Variants in DTHD1 observed in about 807,000 individuals in gnomAD.
DTHD1 encodes the protein death domain containing 1.
DTHD1 carries 59 observed loss-of-function variants against 74.8 expected under a neutral mutation model. The observed-to-expected ratio is 0.79, with a 90% confidence interval of 0.64 to 0.98. The LOEUF is 0.98. DTHD1 is among the 50% of genes least tolerant of loss of function. The pLI is 0.00. For synonymous variants in DTHD1, 365 were observed against 371.1 expected (o/e 0.98, Z 0.19); for missense variants, 1,051 against 1,065.4 (o/e 0.99, Z 0.19).
intron 5 of DTHD1, among the ~76,000 whole-genome samples, chr4:36,298,926 C>T (rs973081723): frequency 2.6e-5 from 4 of 151,996 alleles, no homozygotes; most frequent in Non-Finnish European, 4.4e-5. Context: ...GTGATTCATG[C>T]CTGAGAATAT....
chr4:36,316,571 A>G, intron 8 of DTHD1, 85 bp downstream of exon 8: 1 of 1,326,360 alleles, frequency 7.5e-7, no homozygotes. Context: ...TCATAGAGAC[A>G]CATACAGTTA....
intron 7 of DTHD1, among the ~76,000 whole-genome samples, chr4:36,309,662 T>C (rs1757271016): frequency 1.3e-5 from 2 of 152,226 alleles, no homozygotes; most frequent in Admixed American, 6.5e-5. Context: ...TCCAAAACTT[T>C]TTTTTTCTTT....
intron 5 of DTHD1, among the ~76,000 whole-genome samples, chr4:36,305,757 A>G (rs2109492321): frequency 6.6e-6 from 1 of 152,230 alleles, no homozygotes; most frequent in East Asian, 1.9e-4. Context: ...TTGCTATACA[A>G]CCACTCTTTG....
chr4:36,284,375 T>A lies in DTHD1; in HGVS notation c.671T>A (p.Ile224Lys). ...DNAENEDDKQ[I>K]EHMTVENING... ...GCAGAAAATGAAGATGATAAACAAA[T>A]AGAACACATGACTGTTGAGAACATA... is the stretch of plus-strand genomic sequence containing the variant. Residue 224 changes from isoleucine (I) to lysine (K), a missense_variant, in exon 2 of 10, where the codon ATA (isoleucine) becomes AAA (lysine). Physicochemically the swap from Ile to Lys is moderately radical, Grantham distance 102. Transcript: ENST00000639862. 1 of 1,536,886 alleles carries A rather than the reference T, an allele frequency of 6.5e-7. No homozygotes were observed. Among genetic ancestry groups the A allele is most frequent in the Admixed American group, 2.0e-5 (1 of 50,972 alleles).
At chr4:36,305,534 C>T (rs1487988282) in intron 5 of DTHD1, among the ~76,000 whole-genome samples, 1 of 152,120 alleles carries the variant, frequency 6.6e-6, no homozygotes, top group East Asian at 1.9e-4. Flanking sequence ...CATCGCAACA[C>T]GTGGGAATTA....
intron 7 of DTHD1, among the ~76,000 whole-genome samples, chr4:36,311,526 T>C (rs1353772071): frequency 7.0e-6 from 1 of 143,614 alleles, no homozygotes; most frequent in Non-Finnish European, 1.5e-5. Context: ...TCAACTATCA[T>C]GTTCTGAGAA....
chr4:36,337,763 C>A (rs1339216108), intron 8 of DTHD1, among the ~76,000 whole-genome samples: 2 of 152,188 alleles, frequency 1.3e-5, no homozygotes, highest in Non-Finnish European at 2.9e-5. Flanking sequence ...TCAGATTCAA[C>A]TAACTTGTAT....
At chr4:36,291,469 A>G (rs1362711015) in intron 3 of DTHD1, among the ~76,000 whole-genome samples, 2 of 152,228 alleles carry the variant, frequency 1.3e-5, no homozygotes, top group African/African-American at 4.8e-5. Flanking sequence ...TTTAATTGTA[A>G]TAACTCTGAG....
intron 5 of DTHD1, among the ~76,000 whole-genome samples, chr4:36,303,804 AT>A (rs1189617190): frequency 6.6e-6 from 1 of 152,210 alleles, no homozygotes; most frequent in African/African-American, 2.4e-5. Context: ...TGTCATGGCC[AT>A]CAAAGGTAGG....
intron 9 of DTHD1, among the ~76,000 whole-genome samples, chr4:36,341,190 G>A (rs556370250): frequency 6.6e-6 from 1 of 152,262 alleles, no homozygotes; most frequent in Non-Finnish European, 1.5e-5. Context: ...ATGTGATAAA[G>A]AGAAGGAAAG....
In DTHD1 at chr4:36,281,828, A is replaced by G; in HGVS notation, c.70A>G (p.Met24Val). The change falls in exon 1 of 10, where the codon ATG (methionine) becomes GTG (valine). Residue 24 changes from methionine to valine, a missense_variant. Transcript: ENST00000639862. ...ILKQIWRQNQ[M>V]LKQALLGDDL... ...GAAGCAGATTTGGAGACAAAACCAG[A>G]TGCTAAAGCAGGCACTCTTGGGTGA... The G allele has an allele frequency of 8.0e-7, 1 of 1,243,240 alleles. No individual in the cohort carries two copies. Among genetic ancestry groups the G allele is most frequent in the Non-Finnish European group, 1.0e-6 (1 of 992,196 alleles). The allele number at this position is 1,243,240 out of a possible 1,614,324, so 77.0% of individuals were successfully genotyped here.
chr4:36,340,455 T>C (rs540172157), intron 9 of DTHD1, among the ~76,000 whole-genome samples: 2 of 152,062 alleles, frequency 1.3e-5, no homozygotes, highest in Non-Finnish European at 2.9e-5. Context: ...ATGCTCGGAG[T>C]TAGGAACATT....
intron 8 of DTHD1, among the ~76,000 whole-genome samples, chr4:36,336,867 T>C (rs571626144): frequency 6.6e-6 from 1 of 152,306 alleles, no homozygotes; most frequent in East Asian, 1.9e-4. Context: ...AGAGTTAGAC[T>C]TGGAAAACTG....
intron 8 of DTHD1, among the ~76,000 whole-genome samples, chr4:36,319,254 G>T (rs973120923): frequency 9.2e-5 from 14 of 152,196 alleles, no homozygotes; most frequent in African/African-American, 3.4e-4. Context: ...TTAGAACAGT[G>T]CCTGGCACAT....
chr4:36,293,617 G>A lies in DTHD1; in HGVS notation c.1310G>A (p.Gly437Asp), dbSNP rs1056021890. 8 of 1,549,276 alleles carry A rather than the reference G, an allele frequency of 5.2e-6. No individual in the cohort carries two copies. Among genetic ancestry groups the A allele is most frequent in the South Asian group, 4.8e-5 (4 of 83,750 alleles). ...GAGTCGTTCACAGTAACAAAGAAAG[G>A]CCTCGCTCTTAAGTCAAGCATGGAT... ...KKESFTVTKK[G>D]LALKSSMDSR... is the part of the protein sequence containing the mutation. Residue 437 changes from glycine (G) to aspartate (D), a missense_variant, in exon 4 of 10, where the codon GGC becomes GAC. Gly to Asp is a moderately conservative substitution (Grantham distance 94, BLOSUM62 -1). Transcript: ENST00000639862.
At chr4:36,338,731 G>C (rs959048811) in intron 8 of DTHD1, among the ~76,000 whole-genome samples, 2 of 152,034 alleles carry the variant, frequency 1.3e-5, no homozygotes, top group African/African-American at 4.8e-5. Context: ...GTGCTGTGTT[G>C]AGGCAAAGTG....
Position 36,310,397 on chromosome 4 carries a change from A to G in DTHD1, c.2095+1904A>G, listed in dbSNP as rs570213421. Among the ~76,000 whole-genome samples, 13 of 152,336 alleles carry G rather than the reference A, an allele frequency of 8.5e-5. No homozygotes were observed. In the South Asian group the frequency reaches 2.7e-3, roughly 32 times the overall value. ...CGTCTTTGAAAGAGTTGCCATCACA[A>G]CAATTTCTTTTTCATTAAGCCAACA... is the stretch of plus-strand genomic sequence containing the variant. On this transcript the variant is annotated intron_variant, in intron 7 of 9. Coordinates refer to ENST00000639862, the MANE Select transcript of DTHD1 (RefSeq NM_001170700.3).
At chr4:36,340,334 C>T (rs569346502) in intron 9 of DTHD1, among the ~76,000 whole-genome samples, 1 of 152,174 alleles carries the variant, frequency 6.6e-6, no homozygotes, top group African/African-American at 2.4e-5. Context: ...CCAAAACTGA[C>T]AGCAGGGATA....
rs73119391 is a variant in DTHD1, at chr4:36,328,388, A to G, written c.2341-10724A>G. 2.9e-3 allele frequency among the ~76,000 whole-genome samples: 447 copies of G among 152,320 alleles called. 2 individuals are homozygous for G. Among genetic ancestry groups the G allele is most frequent in the African/African-American group, 0.01 (424 of 41,564 alleles). On this transcript the variant is annotated intron_variant, in intron 8 of 9. Coordinates refer to ENST00000639862, the MANE Select transcript of DTHD1 (RefSeq NM_001170700.3). ...GGAAGTTCTACACTGTGTAATTATA[A>G]GAAAGTTCACGAAGACAACAGCAGA...
Sources: gnomAD v4.1 joint callset for allele counts (sites outside exome capture counted in the v4.1 genomes callset) on GRCh38, gnomAD v4.1.1 for gene constraint, MANE v1.5 for transcripts, NCBI Gene and HGNC (gene_info 2026-07-23, HGNC 2026-07-21) for gene names.